SFRP4: variants seen among roughly 807,000 people sequenced by gnomAD.
SFRP4 encodes the protein secreted frizzled-related protein 4.
In SFRP4, 25 loss-of-function variants were observed where a neutral mutation model predicts 36.3. The ratio of observed to expected loss-of-function variants is 0.69; its 90% confidence interval spans 0.50 to 0.96. SFRP4 has a LOEUF of 0.96. Ranked by LOEUF, SFRP4 falls within the 40% of genes least tolerant of loss-of-function variation. SFRP4 has a pLI of 0.00. For synonymous variants in SFRP4, 182 were observed against 168.8 expected (o/e 1.08, Z -0.60); for missense variants, 487 against 459.6 (o/e 1.06, Z -0.54).
chr7:37,914,347 G>C (rs1785542301), intron 2 of SFRP4, 26 bp downstream of exon 2: 1 of 1,610,026 alleles, frequency 6.2e-7, no homozygotes, highest in African/African-American at 1.3e-5. Flanking sequence ...AGAAGTAGAG[G>C]GAACGTCCAT....
Position 37,907,675 on chromosome 7 carries a change from A to G in SFRP4, c.856-11T>C. ...CCTCTCTTCCCACTGCTGAAAAGCAATTTGTAAACATGACTGTCAAATTAT... is the reference window on the plus strand; with the variant it reads ...CCTCTCTTCCCACTGCTGAAAAGCAGTTTGTAAACATGACTGTCAAATTAT... On this transcript the variant is annotated splice_polypyrimidine_tract_variant and intron_variant, in intron 5 of 5. Coordinates refer to ENST00000436072, the MANE Select transcript of SFRP4 (RefSeq NM_003014.4). 1 of 1,593,942 alleles carries G rather than the reference A, an allele frequency of 6.3e-7. No homozygotes were observed. The highest frequency in any genetic ancestry group is 8.6e-7 in the Non-Finnish European group (1 of 1,169,254).
rs1242830697 is a variant in SFRP4, at chr7:37,916,338, A to T, written c.200T>A (p.Val67Glu). 6.2e-7 allele frequency: 1 copy of T among 1,614,224 alleles called. No homozygotes were observed. Among genetic ancestry groups the T allele is most frequent in the Admixed American group, 1.7e-5 (1 of 60,030 alleles). The change falls in exon 1 of 6, where the codon GTG becomes GAG. Residue 67 changes from valine to glutamate, a missense_variant. By Grantham distance (121) the Val-to-Glu change is moderately radical. Transcript: ENST00000436072. This position sits in a 1 kb window ranked among gnomAD's most constrained non-coding sequence, Gnocchi z 4.1. ...GAAGCGCAGCACGGCGCTGCAGTTC[A>T]CGTCCACCAGCTCCTCGTACTGCTC... ...AIEQYEELVDVNCSAVLRFFL... is the reference protein window; with the variant it reads ...AIEQYEELVDENCSAVLRFFL...
chr7:37,915,425 C>T (rs1175202697), intron 1 of SFRP4, among the ~76,000 whole-genome samples: 1 of 152,242 alleles, frequency 6.6e-6, no homozygotes, highest in East Asian at 1.9e-4. Flanking sequence ...TAAAAGAATG[C>T]AAAAATATTC....
At position 37,907,483 on chromosome 7, in the gene SFRP4, A is replaced by G. The variant is rs375649904; in HGVS notation, c.1037T>C (p.Val346Ala). 1.2e-6 allele frequency: 2 copies of G among 1,611,646 alleles called. No homozygotes were observed. The highest frequency in any genetic ancestry group is 1.7e-5 in the Admixed American group (1 of 59,674). ...CCGCTTTGGAAACTAGTTAGCTCAC[A>G]CTCTTTTCGGGTTTGTTCTCTTCTG... ...SAQKRTNPKR[V>A] Residue 346 changes from valine to alanine, a missense_variant, in exon 6 of 6, where the codon GTG becomes GCG. Val to Ala is a moderately conservative substitution (Grantham distance 64). Transcript: ENST00000436072.
At chr7:37,907,770 G>T in intron 5 of SFRP4, 106 bp from the exon 6 acceptor site, 1 of 753,722 alleles carries the variant, frequency 1.3e-6, no homozygotes, top group South Asian at 2.1e-5. Flanking sequence ...TATTAATGAC[G>T]GTAACAATTG....
At chr7:37,913,467 A>C (rs986166354) in intron 3 of SFRP4, among the ~76,000 whole-genome samples, 5 of 152,268 alleles carry the variant, frequency 3.3e-5, no homozygotes, top group Non-Finnish European at 7.3e-5. Flanking sequence ...AATGAAATAT[A>C]AAGTAGGCAG....
chr7:37,909,130 A>G (rs1265701541), intron 5 of SFRP4, among the ~76,000 whole-genome samples: 2 of 152,212 alleles, frequency 1.3e-5, no homozygotes, highest in Admixed American at 6.5e-5. Flanking sequence ...CACAAAAATC[A>G]TAGATTTGAC....
chr7:37,907,448 T>G lies in SFRP4; in HGVS notation c.*31A>C, dbSNP rs201086043. On this transcript the variant is annotated 3_prime_UTR_variant, in exon 6 of 6. Transcript: ENST00000436072. The stretch of plus-strand genomic sequence containing the variant: ...TGCCCAGCCTCATCCTGTAAGGAAG[T>G]CGGAAGTCTCCGCTTTGGAAACTAG... The G allele has an allele frequency of 6.3e-7, 1 of 1,591,398 alleles. No homozygotes were observed. The highest frequency in any genetic ancestry group is 1.7e-5 in the Admixed American group (1 of 58,654).
chr7:37,908,022 C>T (rs932960232), intron 5 of SFRP4, among the ~76,000 whole-genome samples: 1 of 152,178 alleles, frequency 6.6e-6, no homozygotes, highest in African/African-American at 2.4e-5. Flanking sequence ...CTCACCCATG[C>T]ACTTTTGACC....
rs1391873932 is a variant in SFRP4, at chr7:37,906,311, C to T, written c.*1168G>A. 2.6e-5 allele frequency: 4 copies of T among 152,156 alleles called. No homozygotes were observed. Among genetic ancestry groups the T allele is most frequent in the Non-Finnish European group, 5.9e-5 (4 of 68,024 alleles). The allele number at this position is 152,156 out of a possible 1,614,324, so 9.4% of individuals were successfully genotyped here. A position where few individuals can be genotyped will look rare whatever the true frequency, so the allele number is the denominator to read the frequency against. Reference sequence around the variant, plus strand: ...ATGCCTTATAGAGAATACATGCTTACTGTGTTAGCAAAAGGCCAATAAAAT... The same window carrying T: ...ATGCCTTATAGAGAATACATGCTTATTGTGTTAGCAAAAGGCCAATAAAAT... On this transcript the variant is annotated 3_prime_UTR_variant, in exon 6 of 6. Transcript: ENST00000436072.
At chr7:37,909,782 A>T in intron 4 of SFRP4, 102 bp from the exon 5 acceptor site, 2 of 570,868 alleles carry the variant, frequency 3.5e-6, no homozygotes, top group Non-Finnish European at 6.2e-6. Flanking sequence ...TTACCCCATA[A>T]TCCACACATC....
rs1041684252 is a variant in SFRP4, at chr7:37,916,106, C to T, written c.432G>A (p.Thr144=). Residue 144 remains threonine (T), a synonymous_variant, in exon 1 of 6, where the codon ACG becomes ACA. Transcript: ENST00000436072. This position sits in a 1 kb window ranked among gnomAD's most constrained non-coding sequence, Gnocchi z 4.1. ...GVCISPEAIV[T]DLPEDVKWID... The stretch of plus-strand genomic sequence containing the variant: ...CTACGGCCTCACCCTCCGGGAGGTC[C>T]GTGACGATGGCTTCAGGCGAGATGC... The T allele has an allele frequency of 2.5e-6, 4 of 1,612,194 alleles. No homozygotes were observed. Among genetic ancestry groups the T allele is most frequent in the Admixed American group, 3.3e-5 (2 of 59,998 alleles).
intron 1 of SFRP4, among the ~76,000 whole-genome samples, chr7:37,915,383 T>C (rs1785557695): frequency 6.6e-6 from 1 of 152,228 alleles, no homozygotes; most frequent in Admixed American, 6.5e-5. Context: ...TCTGTTTAAA[T>C]GTGGGGTAAC....
intron 5 of SFRP4, among the ~76,000 whole-genome samples, chr7:37,908,190 C>G (rs1785428681): frequency 6.6e-6 from 1 of 152,226 alleles, no homozygotes; most frequent in Non-Finnish European, 1.5e-5. Flanking sequence ...CCCTTCTACA[C>G]CTAGTCATCC....
rs758308395 is a variant in SFRP4, at chr7:37,916,377, G to T, written c.161C>A (p.Ala54Asp). ...NHLHHSTQENAILAIEQYEEL... is the reference protein window; with the variant it reads ...NHLHHSTQENDILAIEQYEEL... ...CTCGTACTGCTCGATGGCCAGGATG[G>T]CGTTCTCCTGCGTGCTGTGGTGCAG... Residue 54 changes from alanine to aspartate, a missense_variant, in exon 1 of 6, where the codon GCC becomes GAC. Transcript: ENST00000436072. This position sits in a 1 kb window ranked among gnomAD's most constrained non-coding sequence, Gnocchi z 4.1. The T allele has an allele frequency of 2.5e-6, 4 of 1,614,220 alleles. No individual in the cohort carries two copies. Among genetic ancestry groups the T allele is most frequent in the Non-Finnish European group, 3.4e-6 (4 of 1,180,030 alleles).
rs202026849 is a variant in SFRP4, at chr7:37,914,338, G to A, written c.526+35C>T. 1,844 of 1,607,990 alleles carry A rather than the reference G, an allele frequency of 1.1e-3. 38 individuals are homozygous for A. In the South Asian group the frequency reaches 0.019, roughly 17 times the overall value. On this transcript the variant is annotated intron_variant, in intron 2 of 5. Coordinates refer to ENST00000436072, the MANE Select transcript of SFRP4 (RefSeq NM_003014.4). ...AGAACAGAAATCACTCTGGAGAGGA[G>A]AAGTAGAGGGAACGTCCATGAAGAA...
chr7:37,911,721 AT>A (rs1785490290), intron 4 of SFRP4, among the ~76,000 whole-genome samples: 1 of 152,218 alleles, frequency 6.6e-6, no homozygotes, highest in Non-Finnish European at 1.5e-5. Flanking sequence ...TATGGAAAAT[AT>A]GTGGAACTAT....
rs369808742 is a variant in SFRP4 at position 37,916,492 on chromosome 7, C to T, written c.46G>A (p.Ala16Thr). Residue 16 changes from alanine to threonine, a missense_variant, in exon 1 of 6, where the codon GCG becomes ACG. Physicochemically the swap from Ala to Thr is moderately conservative, Grantham distance 58 (BLOSUM62 0). Transcript: ENST00000436072. The surrounding 1 kb of genome is among the most constrained non-coding windows in gnomAD (Gnocchi z 4.1). ...CAGGGCGCGCCGCGCACGCCCAGCG[C>T]CAGGTGCAGCCACAGGCACAGCGCC... ...LVALCLWLHL[A>T]LGVRGAPCEA... 5 of 1,612,294 alleles carry T rather than the reference C, an allele frequency of 3.1e-6. No individual in the cohort carries two copies. The highest frequency in any genetic ancestry group is 1.7e-5 in the Admixed American group (1 of 59,980).
chr7:37,916,817 C>G lies in SFRP4; in HGVS notation c.-280G>C. 1 of 521,144 alleles carries G rather than the reference C, an allele frequency of 1.9e-6. No homozygotes were observed. Among genetic ancestry groups the G allele is most frequent in the South Asian group, 2.6e-5 (1 of 38,258 alleles). The allele number at this position is 521,144 out of a possible 1,614,324, so 32.3% of individuals were successfully genotyped here. On this transcript the variant is annotated 5_prime_UTR_variant, in exon 1 of 6. Transcript: ENST00000436072. The surrounding 1 kb of genome is among the most constrained non-coding windows in gnomAD (Gnocchi z 4.1). ...CGGACTCCGCAGCTCGGAGCGCAGCCAGCCACGGCCATTGCGGGACCCTAT... is the reference window on the plus strand; with the variant it reads ...CGGACTCCGCAGCTCGGAGCGCAGCGAGCCACGGCCATTGCGGGACCCTAT...
Sources: gnomAD v4.1 joint callset for allele counts (sites outside exome capture counted in the v4.1 genomes callset) on GRCh38, gnomAD v4.1.1 for gene constraint, Gnocchi (gnomAD v3.1) non-coding constraint, MANE v1.5 for transcripts, NCBI Gene and HGNC (gene_info 2026-07-23, HGNC 2026-07-21) for gene names.